The following ATAD2B variants were observed in gnomAD, a reference collection of about 807,000 sequenced individuals.
ATAD2B encodes the protein ATPase family AAA domain containing 2B.
Under a neutral mutation model 167.6 loss-of-function variants are expected in ATAD2B, and 40 were observed. The ratio of observed to expected loss-of-function variants is 0.24; its 90% CI spans 0.19 to 0.31. The LOEUF is 0.31. Among genes scored for constraint, ATAD2B ranks in the 10% least tolerant of loss-of-function variants. The pLI, the probability that ATAD2B is intolerant of heterozygous loss-of-function variation, is 1.00. For synonymous variants in ATAD2B, 579 were observed against 596.5 expected (o/e 0.97, Z 0.43); for missense variants, 1,242 against 1,757.2 (o/e 0.71, Z 5.24).
chr2:23,869,727 T>G lies in ATAD2B; in HGVS notation c.1012A>C (p.Thr338Pro). 1 of 1,568,054 alleles carries G rather than the reference T, an allele frequency of 6.4e-7. No homozygotes were observed. The part of the protein sequence containing the change: ...KKHAIHSSDT[T>P]SSDEERFERR... ...TCAAAGCGTTCCTCATCAGAAGAAG[T>G]TGTGTCACTACTATGAATGGCATGC... is the stretch of plus-strand genomic sequence containing the variant. The change falls in exon 9 of 28, where the codon ACT (threonine) becomes CCT (proline). Residue 338 changes from threonine (T) to proline (P), a missense_variant. Coordinates refer to ENST00000238789, the MANE Select transcript of ATAD2B (RefSeq NM_017552.4).
chr2:23,695,512 T>C, the ATAD2B span: 9 of 774,992 alleles, frequency 1.2e-5, no homozygotes, highest in Middle Eastern at 9.5e-4. The surrounding 1 kb of genome is among the most constrained non-coding windows in gnomAD (Gnocchi z 7.6). Flanking sequence ...CTCCCAAGCC[T>C]AACACAGCCT....
At chr2:23,923,271 G>T (rs1704217597) in intron 1 of ATAD2B, among the ~76,000 whole-genome samples, 1 of 152,128 alleles carries the variant, frequency 6.6e-6, no homozygotes, top group African/African-American at 2.4e-5. Flanking sequence ...AATACTGAAT[G>T]ATCTCACTTA....
At chr2:23,771,287 T>G (rs1678283253) in intron 22 of ATAD2B, among the ~76,000 whole-genome samples, 1 of 152,226 alleles carries the variant, frequency 6.6e-6, no homozygotes, top group Non-Finnish European at 1.5e-5. Context: ...GATGCCTTTA[T>G]TTCTTTTTCT....
chr2:23,900,879 ATATTTTTG>A (rs1250142475), intron 1 of ATAD2B: 2 of 152,454 alleles, frequency 1.3e-5, no homozygotes, highest in African/African-American at 4.8e-5. Context: ...TTGCACAAGT[ATATTTTTG>A]TGACAGGCAA....
At chr2:23,865,545 A>T (rs1402883858) in intron 10 of ATAD2B, among the ~76,000 whole-genome samples, 1 of 151,698 alleles carries the variant, frequency 6.6e-6, no homozygotes, top group East Asian at 1.9e-4. Flanking sequence ...AAAAAAAAAA[A>T]GTTTAAATGG....
At chr2:23,718,864 A>C in the ATAD2B span, among the ~76,000 whole-genome samples, 1 of 151,970 alleles carries the variant, frequency 6.6e-6, no homozygotes, top group Non-Finnish European at 1.5e-5. Flanking sequence ...CATCACGCCA[A>C]CCTCTGCTTT....
rs566803757 is a variant in ATAD2B at position 23,750,139 on chromosome 2, C to A, written c.*1907G>T. 73 of 152,098 alleles carry A rather than the reference C, an allele frequency of 4.8e-4. No individual in the cohort carries two copies. The highest frequency in any genetic ancestry group is 5.2e-4 in the Non-Finnish European group (35 of 67,950). 9.4% of individuals were successfully genotyped at this position (152,098 alleles called of 1,614,324 possible). ...TAAATACTAAAGAAAGCATGAAAAT[C>A]CTCCCAATAATCAAATTAGAGGTTT... On this transcript the variant is annotated 3_prime_UTR_variant, in exon 28 of 28. Transcript: ENST00000238789.
At chr2:23,862,166 C>T (rs1351802003) in intron 12 of ATAD2B, among the ~76,000 whole-genome samples, 1 of 150,488 alleles carries the variant, frequency 6.6e-6, no homozygotes, top group Non-Finnish European at 1.5e-5. Context: ...CACTGCACTC[C>T]AGCCTGGGTG....
rs190875149 is a variant in ATAD2B at position 23,810,522 on chromosome 2, T to C, written c.2268-20A>G. On this transcript the variant is annotated intron_variant, in intron 17 of 27. Coordinates refer to ENST00000238789, the MANE Select transcript of ATAD2B (RefSeq NM_017552.4). Reference sequence around the variant, plus strand: ...GGTGACCTGTAATACATGTAAGACATAATTATTTCAAAGGCATACATTCTG... The same window carrying C: ...GGTGACCTGTAATACATGTAAGACACAATTATTTCAAAGGCATACATTCTG... The C allele has an allele frequency of 2.4e-4, 387 of 1,588,750 alleles. 2 individuals are homozygous for C. The Middle Eastern group carries it at 7.4e-3, about 30-fold the overall frequency.
intron 12 of ATAD2B, among the ~76,000 whole-genome samples, chr2:23,861,915 A>G (rs1694428001): frequency 6.6e-6 from 1 of 152,238 alleles, no homozygotes; most frequent in African/African-American, 2.4e-5. Context: ...TTAAAATAGT[A>G]CTGGGCCAGA....
intron 18 of ATAD2B, among the ~76,000 whole-genome samples, chr2:23,803,185 C>T (rs1683768089): frequency 1.3e-5 from 2 of 152,034 alleles, no homozygotes; most frequent in South Asian, 4.1e-4. Flanking sequence ...TTAACATCTC[C>T]TGCCTTGTTG....
At chr2:23,689,004 G>A in the ATAD2B span, 1 of 152,572 alleles carries the variant, frequency 6.6e-6, no homozygotes, top group Non-Finnish European at 1.5e-5. Flanking sequence ...TGATGTCCAG[G>A]GATACAGAGG....
At chr2:23,909,718 T>C (rs1240075389) in intron 1 of ATAD2B, among the ~76,000 whole-genome samples, 1 of 152,132 alleles carries the variant, frequency 6.6e-6, no homozygotes, top group African/African-American at 2.4e-5. Flanking sequence ...GTACATATTA[T>C]TTGAAATATT....
At chr2:23,746,364 G>T (rs1674880241), downstream of ATAD2B, among the ~76,000 whole-genome samples, 1 of 152,122 alleles carries the variant, frequency 6.6e-6, no homozygotes, top group South Asian at 2.1e-4. Flanking sequence ...ATCTCATAAG[G>T]TTCTTGTAAA....
chr2:23,835,753 T>C (rs1376034941), intron 13 of ATAD2B, among the ~76,000 whole-genome samples: 1 of 152,052 alleles, frequency 6.6e-6, no homozygotes, highest in Admixed American at 6.5e-5. Flanking sequence ...CTGGCCAACA[T>C]GGTGAAACCT....
intron 1 of ATAD2B, among the ~76,000 whole-genome samples, chr2:23,906,501 T>C (rs1701515351): frequency 6.6e-6 from 1 of 152,124 alleles, no homozygotes; most frequent in Non-Finnish European, 1.5e-5. Flanking sequence ...GAGAGTTCTG[T>C]AGATGTCTAT....
chr2:23,684,936 A>T, the ATAD2B span, among the ~76,000 whole-genome samples: 73 of 152,234 alleles, frequency 4.8e-4, no homozygotes, highest in African/African-American at 1.7e-3. This position sits in a 1 kb window ranked among gnomAD's most constrained non-coding sequence, Gnocchi z 4.4. Context: ...CAGGATCCCC[A>T]GTGCCATCGT....
chr2:23,780,988 A>AT (rs201728848), intron 22 of ATAD2B, among the ~76,000 whole-genome samples: 5,626 of 151,522 alleles, frequency 0.037, 104 homozygotes, highest in South Asian at 0.046. Flanking sequence ...AATAAGAAGC[A>AT]TTTTTTTTTA....
At chr2:23,739,789 T>C in the ATAD2B span, among the ~76,000 whole-genome samples, 5 of 151,918 alleles carry the variant, frequency 3.3e-5, no homozygotes, top group East Asian at 1.9e-4. Context: ...ATCAACAAAA[T>C]TGATAGACCA....
Sources: allele counts gnomAD v4.1 joint callset (sites outside exome capture counted in the v4.1 genomes callset), GRCh38; gene constraint gnomAD v4.1.1; non-coding constraint Gnocchi (gnomAD v3.1); transcripts MANE v1.5; gene names NCBI Gene and HGNC (gene_info 2026-07-23, HGNC 2026-07-21).